USH2A: variants seen among roughly 807,000 people sequenced by gnomAD.
USH2A encodes the protein usherin, also known as Usher syndrome 2A (autosomal recessive, mild).
Under a neutral mutation model 538.9 loss-of-function variants are expected in USH2A, and 443 were observed. The observed-to-expected ratio is 0.82, with a 90% CI of 0.76 to 0.89. USH2A has a LOEUF of 0.89. Among genes scored for constraint, USH2A ranks in the 40% least tolerant of loss-of-function variants. The pLI is 0.00. For synonymous variants in USH2A, 2,413 were observed against 2,273.5 expected, an observed-to-expected ratio of 1.06 and a Z score of -1.75; for missense variants, 6,633 against 6,324.8, an observed-to-expected ratio of 1.05 and a Z score of -1.65.
intron 61 of USH2A, among the ~76,000 whole-genome samples, chr1:215,696,962 T>G (rs568105566): frequency 2.0e-5 from 3 of 152,064 alleles, no homozygotes; most frequent in Non-Finnish European, 4.4e-5. Context: ...TTTTGTTTGT[T>G]TGTTTTTTGA....
intron 32 of USH2A, among the ~76,000 whole-genome samples, chr1:216,045,450 A>G (rs141019084): frequency 5.9e-5 from 9 of 152,296 alleles, no homozygotes; most frequent in Admixed American, 5.9e-4. Flanking sequence ...CTAAAATTCA[A>G]ACCACACTGA....
intron 56 of USH2A, among the ~76,000 whole-genome samples, chr1:215,764,919 C>T (rs907998727): frequency 6.6e-6 from 1 of 151,536 alleles, no homozygotes; most frequent in African/African-American, 2.4e-5. Flanking sequence ...GAGGAAAGTC[C>T]ATTTCATCTA....
chr1:216,342,992 A>G lies in USH2A; in HGVS notation c.785-15338T>C, dbSNP rs181729991. On this transcript the variant is annotated intron_variant, in intron 4 of 71. Transcript: ENST00000307340. Reference sequence around the variant, plus strand: ...TATGCACAAGTATCCCAGAACTTAAAGTGAAATAAAATTTTTTTTAAGTTA... The same window carrying G: ...TATGCACAAGTATCCCAGAACTTAAGGTGAAATAAAATTTTTTTTAAGTTA... 3.2e-4 allele frequency among the ~76,000 whole-genome samples: 48 copies of G among 152,200 alleles called. 1 individual carries two copies. The highest frequency in any genetic ancestry group is 5.9e-5 in the Non-Finnish European group (4 of 67,980).
At chr1:216,083,242 A>G (rs1168114474) in intron 26 of USH2A, 3 of 461,650 alleles carry the variant, frequency 6.5e-6, no homozygotes, top group African/African-American at 4.0e-5. Context: ...TCTTAAAATT[A>G]TAATTGTTAC....
At chr1:216,360,627 C>T (rs1034518707) in intron 4 of USH2A, among the ~76,000 whole-genome samples, 2 of 152,010 alleles carry the variant, frequency 1.3e-5, no homozygotes, top group South Asian at 2.1e-4. Flanking sequence ...GAAGGCTGTG[C>T]GTGTGTAGGA....
At chr1:216,353,814 C>T (rs554037511) in intron 4 of USH2A, among the ~76,000 whole-genome samples, 1 of 152,026 alleles carries the variant, frequency 6.6e-6, no homozygotes, top group Non-Finnish European at 1.5e-5. Flanking sequence ...CAGATAAGCC[C>T]TAAAGTCATT....
At chr1:215,805,981 A>G (rs1455186090) in intron 49 of USH2A, among the ~76,000 whole-genome samples, 1 of 137,714 alleles carries the variant, frequency 7.3e-6, no homozygotes, top group Non-Finnish European at 1.5e-5. Flanking sequence ...AGAAAGACAC[A>G]ATCAAAAAAA....
intron 37 of USH2A, among the ~76,000 whole-genome samples, chr1:215,950,966 G>A (rs988258891): frequency 6.6e-5 from 10 of 152,152 alleles, no homozygotes; most frequent in Admixed American, 6.5e-4. Flanking sequence ...AGTCTTGCTA[G>A]TGATCTATCA....
intron 21 of USH2A, among the ~76,000 whole-genome samples, chr1:216,132,527 CT>C (rs963614568): frequency 6.6e-6 from 1 of 152,036 alleles, no homozygotes; most frequent in Non-Finnish European, 1.5e-5. Context: ...TCTAACCTTG[CT>C]TTTTCAACTA....
chr1:216,100,964 G>A (rs1449831737), intron 21 of USH2A, among the ~76,000 whole-genome samples: 1 of 152,176 alleles, frequency 6.6e-6, no homozygotes, highest in African/African-American at 2.4e-5. Flanking sequence ...AATTTCTTAA[G>A]AAGGGAAGCT....
At chr1:216,327,146 G>T (rs1256466989) in intron 5 of USH2A, among the ~76,000 whole-genome samples, 2 of 152,068 alleles carry the variant, frequency 1.3e-5, no homozygotes, top group East Asian at 3.9e-4. Context: ...AAGTCTAATA[G>T]ATCAGTCTCT....
In USH2A at chr1:215,824,896, T is replaced by C. The variant is rs1663111583; in HGVS notation, c.9372-7701A>G. Reference sequence around the variant, plus strand: ...ATATGAAAGTCCAATTTTCTTACCATCTGCTCGGAGATTTTCACTTCTCTG... The same window carrying C: ...ATATGAAAGTCCAATTTTCTTACCACCTGCTCGGAGATTTTCACTTCTCTG... On this transcript the variant is annotated intron_variant, in intron 47 of 71. Coordinates refer to ENST00000307340, the MANE Select transcript of USH2A (RefSeq NM_206933.4). 1.3e-5 allele frequency among the ~76,000 whole-genome samples: 2 copies of C among 152,176 alleles called. 1 individual carries two copies. Among genetic ancestry groups the C allele is most frequent in the Admixed American group, 1.3e-4 (2 of 15,268 alleles).
chr1:215,803,659 C>G (rs1662405216), intron 49 of USH2A, among the ~76,000 whole-genome samples: 2 of 152,146 alleles, frequency 1.3e-5, no homozygotes, highest in African/African-American at 4.8e-5. Flanking sequence ...GAAGAACATT[C>G]CATGCTCATG....
At position 216,217,537 on chromosome 1, in the gene USH2A, T is replaced by G; in HGVS notation, c.3007A>C (p.Asn1003His). 6.2e-7 allele frequency: 1 copy of G among 1,612,996 alleles called. No individual in the cohort carries two copies. The highest frequency in any genetic ancestry group is 1.7e-5 in the Admixed American group (1 of 59,932). Residue 1003 changes from asparagine to histidine, a missense_variant, in exon 15 of 72, where the codon AAT (asparagine) becomes CAT (histidine). Transcript: ENST00000307340. ...TTCAAGGCTCCTGAGAGATGACAATTACAAGGCTGACATCTGAAAACAAGG... is the reference window on the plus strand; with the variant it reads ...TTCAAGGCTCCTGAGAGATGACAATGACAAGGCTGACATCTGAAAACAAGG... ...DPQTGRCQPC[N>H]CHLSGALNET...
At chr1:215,773,486 CTCTCTGTCTCTCTCTCTCTCTCTCTG>C (rs1295799753) in intron 55 of USH2A, among the ~76,000 whole-genome samples, 3 of 98,994 alleles carry the variant, frequency 3.0e-5, no homozygotes, top group Non-Finnish European at 5.9e-5. Flanking sequence ...GTCTCTCTGT[CTCTCTGTCTCTCTCTCTCTCTCTCTG>C]TCTCTCTCTC....
At chr1:215,961,551 A>C (rs1183068003) in intron 37 of USH2A, among the ~76,000 whole-genome samples, 1 of 151,572 alleles carries the variant, frequency 6.6e-6, no homozygotes, top group Non-Finnish European at 1.5e-5. Flanking sequence ...GTTTGAAAAA[A>C]ATAAATATGA....
chr1:216,077,324 C>T (rs541246625), intron 27 of USH2A, among the ~76,000 whole-genome samples: 2 of 152,046 alleles, frequency 1.3e-5, no homozygotes, highest in African/African-American at 2.4e-5. Flanking sequence ...TAATAATCTA[C>T]AATATATAGA....
At chr1:216,262,362 G>A (rs956404560) in intron 11 of USH2A, among the ~76,000 whole-genome samples, 2 of 151,878 alleles carry the variant, frequency 1.3e-5, no homozygotes, top group African/African-American at 2.4e-5. Context: ...AATTCAACAA[G>A]AAATTGGTAT....
chr1:215,720,157 T>G (rs1659612423), intron 61 of USH2A, among the ~76,000 whole-genome samples: 1 of 151,226 alleles, frequency 6.6e-6, no homozygotes, highest in Non-Finnish European at 1.5e-5. Context: ...ACAACCTATA[T>G]GAGAAGATCC....
Sources: allele counts gnomAD v4.1 joint callset (sites outside exome capture counted in the v4.1 genomes callset), GRCh38; gene constraint gnomAD v4.1.1; transcripts MANE v1.5; gene names NCBI Gene and HGNC (gene_info 2026-07-23, HGNC 2026-07-21).